ZC3HAV1: variants seen among roughly 807,000 people sequenced by gnomAD.
ZC3HAV1 encodes the protein zinc finger CCCH-type containing, antiviral 1.
ZC3HAV1 carries 41 observed loss-of-function variants against 86.6 expected under a neutral mutation model. The observed-to-expected ratio is 0.47, with a 90% CI of 0.37 to 0.61. The LOEUF is 0.61. ZC3HAV1 is among the 20% of genes least tolerant of loss of function. The probability of loss-of-function intolerance (pLI) is 0.00; values close to 1 mark genes in which losing one functional copy is unlikely to be tolerated. For synonymous variants in ZC3HAV1, 421 were observed against 432.1 expected (o/e 0.97, Z 0.32); for missense variants, 964 against 1,141.1 (o/e 0.84, Z 2.24).
intron 1 of ZC3HAV1, among the ~76,000 whole-genome samples, chr7:139,105,906 C>T (rs565257326): frequency 3.2e-4 from 48 of 151,836 alleles, no homozygotes; most frequent in African/African-American, 1.1e-3. Context: ...TTTTCTAGGA[C>T]CCGAGGACAA....
intron 7 of ZC3HAV1, among the ~76,000 whole-genome samples, chr7:139,068,958 A>G (rs1816688518): frequency 6.6e-6 from 1 of 152,130 alleles, no homozygotes; most frequent in South Asian, 2.1e-4. Flanking sequence ...TCCAGAAGCA[A>G]CTCTCAAAGT....
chr7:139,098,188 C>T (rs918408727), intron 1 of ZC3HAV1, among the ~76,000 whole-genome samples: 1 of 152,082 alleles, frequency 6.6e-6, no homozygotes, highest in African/African-American at 2.4e-5. Flanking sequence ...GAGCCGCCTG[C>T]CTTGGCCTCC....
At chr7:139,051,966 G>GT (rs796648556) in intron 12 of ZC3HAV1, among the ~76,000 whole-genome samples, 135 of 147,566 alleles carry the variant, frequency 9.1e-4, no homozygotes, top group African/African-American at 2.3e-3. Context: ...CTGATTCTTA[G>GT]TTTTTTTTTT....
chr7:139,052,494 A>G (rs1202552351), intron 12 of ZC3HAV1, among the ~76,000 whole-genome samples: 4 of 150,904 alleles, frequency 2.7e-5, no homozygotes, highest in African/African-American at 9.7e-5. Context: ...AATCCCAGCT[A>G]CTTGAGAGGC....
chr7:139,100,770 CCACGGTCTCCCTCTCCCTCTCTTT>C (rs1563141898), intron 1 of ZC3HAV1, among the ~76,000 whole-genome samples: 3,020 of 136,048 alleles, frequency 0.022, 226 homozygotes, highest in African/African-American at 0.076. Flanking sequence ...CCCTCTCTTT[CCACGGTCTCCCTCTCCCTCTCTTT>C]CCACGGTCTC....
At chr7:139,088,206 A>G (rs1365210409) in intron 2 of ZC3HAV1, among the ~76,000 whole-genome samples, 2 of 152,116 alleles carry the variant, frequency 1.3e-5, no homozygotes, top group Non-Finnish European at 2.9e-5. Flanking sequence ...CCAGGCTTAA[A>G]CAGTATTCTC....
At chr7:139,097,534 A>T (rs964436682) in intron 1 of ZC3HAV1, among the ~76,000 whole-genome samples, 6 of 147,342 alleles carry the variant, frequency 4.1e-5, no homozygotes, top group Non-Finnish European at 8.9e-5. Context: ...TCCTGGGTTC[A>T]CGCCATTCTC....
intron 2 of ZC3HAV1, among the ~76,000 whole-genome samples, chr7:139,086,068 A>AT (rs1240528008): frequency 2.4e-4 from 37 of 151,984 alleles, no homozygotes; most frequent in African/African-American, 7.2e-4. Flanking sequence ...ATCTGCAGGG[A>AT]TAATTCCTCC....
At chr7:139,061,393 G>A (rs114428672) in intron 8 of ZC3HAV1, among the ~76,000 whole-genome samples, 62 of 152,320 alleles carry the variant, frequency 4.1e-4, no homozygotes, top group African/African-American at 1.4e-3. Context: ...ATCCAAGTTG[G>A]ATGGTAAAAG....
intron 2 of ZC3HAV1, 39 bp from the exon 3 acceptor site, chr7:139,084,071 T>A (rs1243291872): frequency 6.3e-7 from 1 of 1,595,810 alleles, no homozygotes; most frequent in Admixed American, 1.7e-5. Context: ...TCAAAACACC[T>A]TCTTGTATTT....
intron 5 of ZC3HAV1, among the ~76,000 whole-genome samples, chr7:139,076,932 A>G (rs970430014): frequency 1.3e-5 from 2 of 151,724 alleles, no homozygotes; most frequent in Non-Finnish European, 2.9e-5. Flanking sequence ...AAAATTCCCC[A>G]CTGCCCCCAA....
chr7:139,083,576 A>T (rs1380010139), intron 3 of ZC3HAV1, among the ~76,000 whole-genome samples: 2 of 152,052 alleles, frequency 1.3e-5, no homozygotes, highest in African/African-American at 4.8e-5. Flanking sequence ...TTTATACAAA[A>T]ATTAGCTGGG....
chr7:139,061,847 T>C (rs757697924), intron 8 of ZC3HAV1, among the ~76,000 whole-genome samples: 1 of 152,192 alleles, frequency 6.6e-6, no homozygotes. Flanking sequence ...AAATAAACTA[T>C]GGAATAGCCT....
chr7:139,066,763 A>G (rs1816617220), intron 7 of ZC3HAV1, among the ~76,000 whole-genome samples: 1 of 152,162 alleles, frequency 6.6e-6, no homozygotes, highest in Non-Finnish European at 1.5e-5. Flanking sequence ...TGGTTTGACC[A>G]CTAGCTGAAT....
chr7:139,055,754 T>A (rs1816264828), intron 9 of ZC3HAV1, among the ~76,000 whole-genome samples: 1 of 152,208 alleles, frequency 6.6e-6, no homozygotes, highest in Middle Eastern at 3.2e-3. Context: ...CCCATAGAGC[T>A]AAAGCTACCA....
chr7:139,053,391 A>T, intron 12 of ZC3HAV1, 60 bp downstream of exon 12: 1 of 1,487,832 alleles, frequency 6.7e-7, no homozygotes, highest in East Asian at 2.4e-5. Context: ...TCCTAATAGA[A>T]GCACATATAA....
chr7:139,102,809 T>C lies in ZC3HAV1; in HGVS notation c.308+6215A>G, dbSNP rs962770026. On this transcript the variant is annotated intron_variant, in intron 1 of 12. Transcript: ENST00000242351. The stretch of plus-strand genomic sequence containing the variant: ...ATGGTGGCACTAGCCTGGTCCCAGC[T>C]ACTGGGAGGCTGACATGGGAGGATC... Among the ~76,000 whole-genome samples, 4 of 150,952 alleles carry C rather than the reference T, an allele frequency of 2.6e-5. No homozygotes were observed. The South Asian group carries it at 6.3e-4, about 24-fold the overall frequency.
At chr7:139,076,910 G>T (rs1473220596) in intron 5 of ZC3HAV1, among the ~76,000 whole-genome samples, 1 of 150,854 alleles carries the variant, frequency 6.6e-6, no homozygotes, top group African/African-American at 2.4e-5. Context: ...AAAAGAAAAA[G>T]AAAAGGAAAC....
intron 1 of ZC3HAV1, among the ~76,000 whole-genome samples, chr7:139,093,632 G>A (rs574622970): frequency 1.4e-4 from 22 of 152,174 alleles, no homozygotes; most frequent in South Asian, 4.2e-4. Flanking sequence ...GCCCCTGCCC[G>A]CCAGAGAACA....
Sources: gnomAD v4.1 joint callset for allele counts (sites outside exome capture counted in the v4.1 genomes callset) on GRCh38, gnomAD v4.1.1 for gene constraint, MANE v1.5 for transcripts, NCBI Gene and HGNC (gene_info 2026-07-23, HGNC 2026-07-21) for gene names.